Variants in MED13L observed in about 807,000 individuals in gnomAD.
The protein encoded by MED13L is mediator of RNA polymerase II transcription subunit 13-like.
A neutral mutation model predicts 220.9 loss-of-function variants in MED13L; 7 were observed. The observed-to-expected ratio is 0.03, with a 90% CI of 0.02 to 0.06. MED13L has a LOEUF of 0.06. Among genes scored for constraint, MED13L ranks in the 10% least tolerant of loss-of-function variants. The pLI is 1.00. For synonymous variants in MED13L, 1,011 were observed against 1,015.2 expected, an observed-to-expected ratio of 1.00 and a Z score of 0.08; for missense variants, 1,965 against 2,760.5, an observed-to-expected ratio of 0.71 and a Z score of 6.46.
chr12:115,964,424 A>T (rs995781988), intron 29 of MED13L, among the ~76,000 whole-genome samples: 2 of 152,220 alleles, frequency 1.3e-5, no homozygotes, highest in Non-Finnish European at 2.9e-5. Context: ...GGTTCAGGTG[A>T]TACCAGGACA....
chr12:116,276,597 G>A lies in MED13L; in HGVS notation c.72+463C>T, dbSNP rs564405974. Reference sequence around the variant, plus strand: ...AGGGCGAAATTGCAGGTGTCATTATGGAATTTAAAAAAATTCAAAAGGCAG... The same window carrying A: ...AGGGCGAAATTGCAGGTGTCATTATAGAATTTAAAAAAATTCAAAAGGCAG... On this transcript the variant is annotated intron_variant, in intron 1 of 30. Coordinates refer to ENST00000281928, the MANE Select transcript of MED13L (RefSeq NM_015335.5). 1.2e-4 allele frequency: 140 copies of A among 1,209,500 alleles called. No individual in the cohort carries two copies. In the African/African-American group the frequency reaches 1.7e-3, roughly 14 times the overall value. The allele number at this position is 1,209,500 out of a possible 1,614,324, so 74.9% of individuals were successfully genotyped here.
chr12:116,097,318 G>A (rs982660396), intron 3 of MED13L, among the ~76,000 whole-genome samples: 2 of 151,940 alleles, frequency 1.3e-5, no homozygotes, highest in African/African-American at 4.8e-5. Flanking sequence ...GCTAATTTTT[G>A]TACTTTTAAT....
At chr12:116,166,139 G>C (rs1459750533) in intron 2 of MED13L, among the ~76,000 whole-genome samples, 1 of 152,220 alleles carries the variant, frequency 6.6e-6, no homozygotes, top group Non-Finnish European at 1.5e-5. Context: ...TGAGGCAGGA[G>C]AATCACTTGA....
chr12:116,129,526 T>A (rs75064076), intron 2 of MED13L, among the ~76,000 whole-genome samples: 2,974 of 152,196 alleles, frequency 0.02, 54 homozygotes, highest in Middle Eastern at 0.048. Context: ...AGACACTAAT[T>A]TGGGAGTGGA....
chr12:116,024,756 GC>G (rs1880267366), intron 4 of MED13L, among the ~76,000 whole-genome samples: 1 of 100,032 alleles, frequency 1.0e-5, no homozygotes, highest in Admixed American at 1.4e-4. Flanking sequence ...GTAGTTTCAT[GC>G]TTTTTTTTGG....
chr12:116,201,794 T>C (rs188686839), intron 2 of MED13L, among the ~76,000 whole-genome samples: 84 of 152,240 alleles, frequency 5.5e-4, no homozygotes, highest in Admixed American at 3.4e-3. Flanking sequence ...GACTATAAAG[T>C]TTCCAACATT....
Position 116,140,788 on chromosome 12 carries a change from CA to C in MED13L, c.311-29277del, listed in dbSNP as rs139364219. Among the ~76,000 whole-genome samples the C allele has an allele frequency of 6.0e-3, 911 of 152,302 alleles. 9 individuals carry two copies. The highest frequency in any genetic ancestry group is 6.9e-3 in the Non-Finnish European group (471 of 68,018). Reference sequence around the variant, plus strand: ...GCATTACTAACATCAGGTCTTGCAACAACTGAATTTATCTTAGGGAGGCTTC... The same window carrying C: ...GCATTACTAACATCAGGTCTTGCAACACTGAATTTATCTTAGGGAGGCTTC... On this transcript the variant is annotated intron_variant, in intron 2 of 30. Coordinates refer to ENST00000281928, the MANE Select transcript of MED13L (RefSeq NM_015335.5).
intron 4 of MED13L, among the ~76,000 whole-genome samples, chr12:116,033,647 G>A (rs1880991369): frequency 6.6e-6 from 1 of 152,162 alleles, no homozygotes; most frequent in Non-Finnish European, 1.5e-5. Flanking sequence ...GTCAGTTTGT[G>A]AGTAGTACAA....
intron 27 of MED13L, among the ~76,000 whole-genome samples, chr12:115,970,056 TGGTA>T (rs1876475272): frequency 6.6e-6 from 1 of 152,222 alleles, no homozygotes; most frequent in South Asian, 2.1e-4. Flanking sequence ...AAATAAACAC[TGGTA>T]GGTGTTATAA....
intron 2 of MED13L, among the ~76,000 whole-genome samples, chr12:116,202,694 A>G (rs1208733623): frequency 2.0e-5 from 3 of 152,160 alleles, no homozygotes; most frequent in Non-Finnish European, 2.9e-5. Context: ...GTGATGCACA[A>G]GGAACTCCCC....
intron 1 of MED13L, among the ~76,000 whole-genome samples, chr12:116,245,278 T>C (rs1316237607): frequency 6.6e-6 from 1 of 152,170 alleles, no homozygotes; most frequent in Non-Finnish European, 1.5e-5. Context: ...AAGTCTTCTC[T>C]GAGAAATCTT....
intron 4 of MED13L, among the ~76,000 whole-genome samples, chr12:116,036,609 A>C (rs1351777719): frequency 2.6e-5 from 4 of 152,226 alleles, no homozygotes; most frequent in African/African-American, 9.6e-5. Flanking sequence ...ATGCATTCGG[A>C]TAATTGTATC....
chr12:116,139,569 A>ATAT (rs1876875487), intron 2 of MED13L, among the ~76,000 whole-genome samples: 1 of 152,194 alleles, frequency 6.6e-6, no homozygotes, highest in African/African-American at 2.4e-5. Context: ...TTACCATAAA[A>ATAT]TATTATTATA....
intron 1 of MED13L, among the ~76,000 whole-genome samples, chr12:116,258,366 T>G (rs1872224941): frequency 6.6e-6 from 1 of 152,186 alleles, no homozygotes; most frequent in Non-Finnish European, 1.5e-5. Flanking sequence ...AGTTAAGCAG[T>G]GCACGCCTGC....
chr12:116,169,755 T>C (rs570465053), intron 2 of MED13L, among the ~76,000 whole-genome samples: 71 of 152,310 alleles, frequency 4.7e-4, no homozygotes, highest in African/African-American at 1.6e-3. Flanking sequence ...GTGCTTGTAA[T>C]TTCAGTGCTT....
chr12:116,189,476 T>A (rs1435155192), intron 2 of MED13L, among the ~76,000 whole-genome samples: 1 of 152,134 alleles, frequency 6.6e-6, no homozygotes. Context: ...CCCACAGGGG[T>A]TTCTTGCAGA....
chr12:116,230,573 T>C (rs938989531), intron 2 of MED13L: 11 of 686,046 alleles, frequency 1.6e-5, no homozygotes, highest in Non-Finnish European at 2.0e-5. Flanking sequence ...ATACAATTCC[T>C]TTCCAATTCA....
intron 13 of MED13L, among the ~76,000 whole-genome samples, 194 bp from the exon 14 acceptor site, chr12:116,003,296 T>A (rs536646627): frequency 3.0e-4 from 46 of 152,234 alleles, no homozygotes; most frequent in Non-Finnish European, 3.2e-4. Context: ...AACAGTGAAT[T>A]TTTTTCATGG....
chr12:116,131,458 C>T (rs1206628572), intron 2 of MED13L, among the ~76,000 whole-genome samples: 3 of 152,154 alleles, frequency 2.0e-5, no homozygotes, highest in Non-Finnish European at 4.4e-5. Context: ...AAATTCACAG[C>T]TCTGCCACAA....
Sources: gnomAD v4.1 joint callset for allele counts (sites outside exome capture counted in the v4.1 genomes callset) on GRCh38, gnomAD v4.1.1 for gene constraint, MANE v1.5 for transcripts, NCBI Gene and HGNC (gene_info 2026-07-23, HGNC 2026-07-21) for gene names.